The following PLXNA2 variants were observed in gnomAD, a reference collection of about 807,000 sequenced individuals.
The protein encoded by PLXNA2 is plexin A2, also known as plexin-A2.
In PLXNA2, 91 loss-of-function variants were observed where a neutral mutation model predicts 193.5. The ratio of observed to expected loss-of-function variants is 0.47; its 90% confidence interval spans 0.40 to 0.56. The LOEUF (loss-of-function observed/expected upper bound fraction) is 0.56. Among genes scored for constraint, PLXNA2 ranks in the 20% least tolerant of loss-of-function variants. PLXNA2 has a pLI of 0.00. For synonymous variants in PLXNA2, 997 were observed against 1,027.3 expected, an observed-to-expected ratio of 0.97 and a Z score of 0.56; for missense variants, 1,995 against 2,503.2, an observed-to-expected ratio of 0.80 and a Z score of 4.33.
chr1:208,220,484 G>A (rs929511533), intron 1 of PLXNA2, among the ~76,000 whole-genome samples: 1 of 152,106 alleles, frequency 6.6e-6, no homozygotes, highest in African/African-American at 2.4e-5. Context: ...CCAGGCTGGA[G>A]TGCAGTGGTA....
At chr1:208,142,556 C>A in intron 3 of PLXNA2, 93 bp from the exon 4 acceptor site, 3 of 1,239,188 alleles carry the variant, frequency 2.4e-6, no homozygotes, top group South Asian at 1.7e-5. Flanking sequence ...TTACAGAAGA[C>A]CATTGCTAAC....
chr1:208,050,998 C>G lies in PLXNA2; in HGVS notation c.3255+11G>C. 1.3e-6 allele frequency: 2 copies of G among 1,594,998 alleles called. No homozygotes were observed. Among genetic ancestry groups the G allele is most frequent in the East Asian group, 2.2e-5 (1 of 44,798 alleles). Reference sequence around the variant, plus strand: ...TTTACCAAAGGCTGGGGCAGACCAACAGTTACTCACATTGACAGATTCTTT... The same window carrying G: ...TTTACCAAAGGCTGGGGCAGACCAAGAGTTACTCACATTGACAGATTCTTT... On this transcript the variant is annotated intron_variant, in intron 17 of 31. Coordinates refer to ENST00000367033, the MANE Select transcript of PLXNA2 (RefSeq NM_025179.4).
At chr1:208,223,525 A>T (rs1267315187) in intron 1 of PLXNA2, among the ~76,000 whole-genome samples, 1 of 152,190 alleles carries the variant, frequency 6.6e-6, no homozygotes, top group Non-Finnish European at 1.5e-5. Context: ...AGATTCAAAG[A>T]GGGGCGGATT....
At chr1:208,227,345 G>T (rs1391583900) in intron 1 of PLXNA2, among the ~76,000 whole-genome samples, 2 of 152,146 alleles carry the variant, frequency 1.3e-5, no homozygotes, top group Non-Finnish European at 2.9e-5. Flanking sequence ...TGATTAGCTT[G>T]CAAGGTGAGC....
intron 4 of PLXNA2, among the ~76,000 whole-genome samples, chr1:208,131,116 C>G (rs1668135731): frequency 6.6e-6 from 1 of 152,186 alleles, no homozygotes; most frequent in Admixed American, 6.5e-5. Context: ...CAGGGGCACC[C>G]AGAGCCCTGG....
At chr1:208,181,738 G>A (rs999915146) in intron 3 of PLXNA2, among the ~76,000 whole-genome samples, 4 of 152,228 alleles carry the variant, frequency 2.6e-5, no homozygotes, top group Admixed American at 1.3e-4. Flanking sequence ...TTGTGGGCCC[G>A]AGTTCACTGT....
chr1:208,216,461 C>T (rs1376439580), intron 2 of PLXNA2, among the ~76,000 whole-genome samples: 3 of 152,332 alleles, frequency 2.0e-5, no homozygotes, highest in African/African-American at 7.2e-5. Flanking sequence ...TTGTATGGTT[C>T]ACAGCTGAAG....
chr1:208,184,922 T>G (rs919306163), intron 3 of PLXNA2, among the ~76,000 whole-genome samples: 1 of 152,196 alleles, frequency 6.6e-6, no homozygotes, highest in Admixed American at 6.5e-5. Flanking sequence ...GTCTGGGCCC[T>G]TCCAAGCCCA....
chr1:208,217,962 G>A lies in PLXNA2; in HGVS notation c.-40C>T. ...CGGTGAGGAGACGGCTCCTGTGTGT[G>A]CTCATCTGCTCCACCTTCCCCGGTT... On this transcript the variant is annotated 5_prime_UTR_variant, in exon 2 of 32. Transcript: ENST00000367033. This position sits in a 1 kb window ranked among gnomAD's most constrained non-coding sequence, Gnocchi z 4.7. 1 of 1,594,138 alleles carries A rather than the reference G, an allele frequency of 6.3e-7. No individual in the cohort carries two copies. The highest frequency in any genetic ancestry group is 8.5e-7 in the Non-Finnish European group (1 of 1,176,556).
intron 3 of PLXNA2, among the ~76,000 whole-genome samples, chr1:208,164,959 T>A (rs1416892934): frequency 6.6e-6 from 1 of 152,202 alleles, no homozygotes; most frequent in Non-Finnish European, 1.5e-5. Flanking sequence ...GGAATTACAG[T>A]GATGAGAGGC....
At chr1:208,133,541 G>T (rs2102470302) in intron 4 of PLXNA2, among the ~76,000 whole-genome samples, 1 of 152,358 alleles carries the variant, frequency 6.6e-6, no homozygotes, top group South Asian at 2.1e-4. Flanking sequence ...TGACTTGTCA[G>T]TGGACAGCTC....
intron 3 of PLXNA2, among the ~76,000 whole-genome samples, chr1:208,148,242 T>C (rs1668657097): frequency 6.6e-6 from 1 of 152,150 alleles, no homozygotes; most frequent in South Asian, 2.1e-4. Flanking sequence ...TAATATCACA[T>C]TATTATTAGT....
chr1:208,079,026 A>T (rs1164939076), intron 12 of PLXNA2, among the ~76,000 whole-genome samples: 3 of 152,200 alleles, frequency 2.0e-5, no homozygotes, highest in Non-Finnish European at 4.4e-5. Context: ...GCACGTGCAC[A>T]CCAATGCGCT....
intron 4 of PLXNA2, among the ~76,000 whole-genome samples, chr1:208,114,771 G>T (rs1667586860): frequency 6.6e-6 from 1 of 152,186 alleles, no homozygotes. Context: ...GAACTATAGA[G>T]AATTGTCTTG....
chr1:208,142,215 T>A, intron 4 of PLXNA2, 114 bp downstream of exon 4: 1 of 1,207,482 alleles, frequency 8.3e-7, no homozygotes. Context: ...TCAAGACCCC[T>A]GTGCTGCAAG....
rs544709349 is a variant in PLXNA2, at chr1:208,211,649, C to A, written c.1189-1187G>T. On this transcript the variant is annotated intron_variant, in intron 2 of 31. Coordinates refer to ENST00000367033, the MANE Select transcript of PLXNA2 (RefSeq NM_025179.4). ...CGGAGGTTGCAGTGAGCCGAGATTGCGCCACTGCACTCCAGCCTGGGCGGC... is the reference window on the plus strand; with the variant it reads ...CGGAGGTTGCAGTGAGCCGAGATTGAGCCACTGCACTCCAGCCTGGGCGGC... Among the ~76,000 whole-genome samples the A allele has an allele frequency of 6.7e-5, 10 of 149,780 alleles. No homozygotes were observed. In the South Asian group the frequency reaches 1.5e-3, roughly 22 times the overall value.
rs1671804821 is a variant in PLXNA2, at chr1:208,234,856, T to C, written c.-81+8787A>G. Among the ~76,000 whole-genome samples, 6 of 152,100 alleles carry C rather than the reference T, an allele frequency of 3.9e-5. No individual in the cohort carries two copies. In the South Asian group the frequency reaches 1.2e-3, roughly 32 times the overall value. ...CTGGGGCAAACAAACCTCCTAGCAA[T>C]TGGAGGGCAGTGAATGGCAGCTTGC... On this transcript the variant is annotated intron_variant, in intron 1 of 31. Coordinates refer to ENST00000367033, the MANE Select transcript of PLXNA2 (RefSeq NM_025179.4).
intron 4 of PLXNA2, among the ~76,000 whole-genome samples, chr1:208,128,773 C>T (rs1380401908): frequency 1.4e-5 from 2 of 145,142 alleles, no homozygotes; most frequent in Non-Finnish European, 3.0e-5. Flanking sequence ...GCGATCTCGG[C>T]TCCCTGCAAG....
intron 3 of PLXNA2, among the ~76,000 whole-genome samples, chr1:208,182,975 A>G (rs989854820): frequency 4.6e-5 from 7 of 152,222 alleles, no homozygotes; most frequent in African/African-American, 1.4e-4. Flanking sequence ...TAGTCAAGAA[A>G]GAAAGCTTTT....
Sources: gnomAD v4.1 joint callset for allele counts (sites outside exome capture counted in the v4.1 genomes callset) on GRCh38, gnomAD v4.1.1 for gene constraint, Gnocchi (gnomAD v3.1) non-coding constraint, MANE v1.5 for transcripts, NCBI Gene and HGNC (gene_info 2026-07-23, HGNC 2026-07-21) for gene names.